The following AGBL4 variants were observed in gnomAD, a reference collection of about 807,000 sequenced individuals.
AGBL4 encodes AGBL carboxypeptidase 4, also known as cytosolic carboxypeptidase 6.
Under a neutral mutation model 66.4 loss-of-function variants are expected in AGBL4, and 58 were observed. That is an observed-to-expected ratio of 0.87 (90% CI 0.71 to 1.09). The LOEUF is 1.09. AGBL4 is among the 50% of genes least tolerant of loss of function. The pLI, the probability that AGBL4 is intolerant of heterozygous loss-of-function variation, is 0.00. For synonymous variants in AGBL4, 234 were observed against 222.9 expected (o/e 1.05, Z -0.44); for missense variants, 579 against 631.0 (o/e 0.92, Z 0.88).
chr1:48,729,994 T>C (rs545185406), intron 6 of AGBL4, among the ~76,000 whole-genome samples: 12 of 152,238 alleles, frequency 7.9e-5, no homozygotes, highest in African/African-American at 2.9e-4. Flanking sequence ...ACCTTGCTCA[T>C]CTCTGCTTAA....
intron 5 of AGBL4, among the ~76,000 whole-genome samples, chr1:49,000,667 C>A (rs182763526): frequency 3.5e-4 from 53 of 152,208 alleles, no homozygotes; most frequent in Non-Finnish European, 1.5e-5. Flanking sequence ...ACTATTTAAG[C>A]CTTAGCTGTT....
chr1:48,701,234 C>T (rs1339949855), intron 6 of AGBL4, among the ~76,000 whole-genome samples: 2 of 152,226 alleles, frequency 1.3e-5, no homozygotes, highest in African/African-American at 2.4e-5. Flanking sequence ...ACCTCTCTTG[C>T]TTCTCTTTTC....
chr1:49,262,074 T>C (rs1297018379), intron 3 of AGBL4, among the ~76,000 whole-genome samples: 4 of 151,976 alleles, frequency 2.6e-5, no homozygotes, highest in African/African-American at 9.7e-5. Context: ...ATTCCCTATT[T>C]AATAAATGGT....
Position 49,657,628 on chromosome 1 carries a change from C to A in AGBL4, c.282+39685G>T, listed in dbSNP as rs1646171421. On this transcript the variant is annotated intron_variant, in intron 3 of 13. Coordinates refer to ENST00000371839, the MANE Select transcript of AGBL4 (RefSeq NM_032785.4). The stretch of plus-strand genomic sequence containing the variant: ...AACTATACTACAAGGCCACAGTAAC[C>A]AAAACAGCATGGTACTGGTACCAAA... 4.6e-5 allele frequency among the ~76,000 whole-genome samples: 7 copies of A among 152,272 alleles called. No homozygotes were observed. The South Asian group carries it at 1.5e-3, about 32-fold the overall frequency.
intron 3 of AGBL4, among the ~76,000 whole-genome samples, chr1:49,607,724 T>C (rs1165026825): frequency 1.3e-5 from 2 of 152,168 alleles, no homozygotes; most frequent in Non-Finnish European, 2.9e-5. Context: ...CTCACTGATC[T>C]CTAAGGTTAT....
intron 5 of AGBL4, among the ~76,000 whole-genome samples, chr1:48,959,194 T>A (rs1657749412): frequency 6.6e-6 from 1 of 152,186 alleles, no homozygotes; most frequent in Non-Finnish European, 1.5e-5. Flanking sequence ...ACCATTTTCC[T>A]CTCCTGAGCT....
At chr1:49,490,005 C>T (rs1647154949) in intron 3 of AGBL4, among the ~76,000 whole-genome samples, 1 of 151,672 alleles carries the variant, frequency 6.6e-6, no homozygotes, top group South Asian at 2.1e-4. Flanking sequence ...TTTCTATTTC[C>T]AAATACTTAC....
At chr1:48,590,058 G>C (rs1482719366) in intron 10 of AGBL4, among the ~76,000 whole-genome samples, 1 of 151,992 alleles carries the variant, frequency 6.6e-6, no homozygotes, top group Non-Finnish European at 1.5e-5. Flanking sequence ...AACCAGCTTT[G>C]GCAACATAGC....
intron 4 of AGBL4, among the ~76,000 whole-genome samples, chr1:49,089,482 C>T (rs1252559273): frequency 6.6e-6 from 1 of 152,094 alleles, no homozygotes; most frequent in Non-Finnish European, 1.5e-5. Context: ...TCTGTGCACA[C>T]AAGCTAGAAC....
intron 5 of AGBL4, among the ~76,000 whole-genome samples, chr1:49,039,968 C>T (rs1232153994): frequency 6.6e-6 from 1 of 151,926 alleles, no homozygotes; most frequent in Non-Finnish European, 1.5e-5. Flanking sequence ...AAGCATAATC[C>T]ATTAAAAATT....
Position 49,861,519 on chromosome 1 carries a change from C to T in AGBL4, c.35-10001G>A, listed in dbSNP as rs559340128. Among the ~76,000 whole-genome samples, 9 of 152,210 alleles carry T rather than the reference C, an allele frequency of 5.9e-5. 1 individual carries two copies. In the South Asian group the frequency reaches 1.7e-3, roughly 28 times the overall value. The stretch of plus-strand genomic sequence containing the variant: ...AGCACCCAGATGACATTTCTAGACA[C>T]ACCCTGGGATTTTGTAGAGGAGCAC... On this transcript the variant is annotated intron_variant, in intron 1 of 13. Coordinates refer to ENST00000371839, the MANE Select transcript of AGBL4 (RefSeq NM_032785.4).
chr1:48,598,130 C>G (rs1386577024), intron 9 of AGBL4, among the ~76,000 whole-genome samples: 1 of 152,158 alleles, frequency 6.6e-6, no homozygotes, highest in Non-Finnish European at 1.5e-5. Flanking sequence ...TCACACAGGG[C>G]CTTGAAGGCC....
intron 6 of AGBL4, among the ~76,000 whole-genome samples, chr1:48,803,876 G>T (rs1228348744): frequency 6.6e-6 from 1 of 152,162 alleles, no homozygotes; most frequent in Non-Finnish European, 1.5e-5. Flanking sequence ...TAGTCTGGTG[G>T]TTAAGCACTT....
chr1:49,849,250 A>T (rs77857656), intron 2 of AGBL4, among the ~76,000 whole-genome samples: 12,348 of 152,028 alleles, frequency 0.081, 707 homozygotes, highest in African/African-American at 0.17. Context: ...ACATGAGGGC[A>T]TTGATTTGGA....
intron 6 of AGBL4, among the ~76,000 whole-genome samples, chr1:48,815,311 C>T (rs1570737336): frequency 6.6e-6 from 1 of 152,106 alleles, no homozygotes; most frequent in Non-Finnish European, 1.5e-5. Context: ...TGACCTCATG[C>T]TTAGTTACAT....
chr1:49,541,079 A>C, intron 3 of AGBL4, among the ~76,000 whole-genome samples: 1 of 152,224 alleles, frequency 6.6e-6, no homozygotes, highest in East Asian at 1.9e-4. Flanking sequence ...TTTTCAGTAA[A>C]ATGGGAATAA....
chr1:48,554,840 C>T (rs1304999372), intron 11 of AGBL4, among the ~76,000 whole-genome samples: 3 of 152,164 alleles, frequency 2.0e-5, no homozygotes, highest in Non-Finnish European at 4.4e-5. Flanking sequence ...AGGACTTAAA[C>T]TCGGGTCTGT....
intron 2 of AGBL4, among the ~76,000 whole-genome samples, chr1:49,781,845 G>T (rs1011975916): frequency 6.6e-6 from 1 of 151,960 alleles, no homozygotes; most frequent in African/African-American, 2.4e-5. Flanking sequence ...AGAATTTTAG[G>T]AATGTATAAA....
At chr1:49,582,700 G>A (rs1257931893) in intron 3 of AGBL4, among the ~76,000 whole-genome samples, 2 of 152,164 alleles carry the variant, frequency 1.3e-5, no homozygotes, top group Non-Finnish European at 2.9e-5. Context: ...TGAGAGTAGT[G>A]TCTTACTATA....
Sources: gnomAD v4.1 joint callset for allele counts (sites outside exome capture counted in the v4.1 genomes callset) on GRCh38, gnomAD v4.1.1 for gene constraint, MANE v1.5 for transcripts, NCBI Gene and HGNC (gene_info 2026-07-23, HGNC 2026-07-21) for gene names.